Variants in IQGAP2 observed in about 807,000 individuals in gnomAD.
IQGAP2 encodes the protein IQ motif containing GTPase activating protein 2.
In IQGAP2, 173 loss-of-function variants were observed where a neutral mutation model predicts 201.3. That is an observed-to-expected ratio of 0.86 (90% confidence interval 0.76 to 0.98). IQGAP2 has a LOEUF of 0.98. IQGAP2 is among the 50% of genes least tolerant of loss of function. The pLI is 0.00. For missense variants in IQGAP2, 1,687 were observed against 1,864.8 expected (o/e 0.90, Z 1.76); for synonymous variants, 675 against 673.9 (o/e 1.00, Z -0.03).
intron 2 of IQGAP2, among the ~76,000 whole-genome samples, chr5:76,559,946 G>A (rs948702993): frequency 6.6e-6 from 1 of 151,970 alleles, no homozygotes; most frequent in Non-Finnish European, 1.5e-5. Context: ...GATAGGTTCC[G>A]GCCACCCAAG....
rs1030678633 is a variant in IQGAP2 at position 76,671,782 on chromosome 5, A to G, written c.2867A>G (p.Asp956Gly). 1.4e-5 allele frequency: 23 copies of G among 1,613,742 alleles called. No individual in the cohort carries two copies. Among genetic ancestry groups the G allele is most frequent in the Non-Finnish European group, 1.8e-5 (21 of 1,179,838 alleles). The change falls in exon 24 of 36, where the codon GAC (aspartate) becomes GGC (glycine). Residue 956 changes from aspartate (D) to glycine (G), a missense_variant. Coordinates refer to ENST00000274364, the MANE Select transcript of IQGAP2 (RefSeq NM_006633.5). The part of the protein sequence containing the change: ...EIKSKVDQVQ[D>G]IVTGNPTVIK... ...AGATCAAAAGTGGACCAGGTACAGG[A>G]CATAGTTACTGGTAACCCTACAGTC...
intron 2 of IQGAP2, among the ~76,000 whole-genome samples, chr5:76,517,929 G>A (rs2150190596): frequency 6.6e-6 from 1 of 152,192 alleles, no homozygotes; most frequent in East Asian, 1.9e-4. Context: ...CTGAGACTGG[G>A]CAATTTACGA....
chr5:76,634,528 G>C (rs1750969257), intron 15 of IQGAP2, among the ~76,000 whole-genome samples: 1 of 152,146 alleles, frequency 6.6e-6, no homozygotes, highest in Admixed American at 6.5e-5. Context: ...CCAAAGTGCT[G>C]AGATTACAGG....
intron 11 of IQGAP2, among the ~76,000 whole-genome samples, chr5:76,603,180 ATGCGTGGTCCTC>A (rs1473971844): frequency 6.6e-6 from 1 of 152,070 alleles, no homozygotes. Context: ...CTGTGTTCCT[ATGCGTGGTCCTC>A]TCACCATCAG....
chr5:76,688,871 A>G (rs1746010026), intron 30 of IQGAP2, among the ~76,000 whole-genome samples: 1 of 152,180 alleles, frequency 6.6e-6, no homozygotes, highest in Non-Finnish European at 1.5e-5. Flanking sequence ...GGCACAGAAC[A>G]GGTATAAACC....
chr5:76,617,550 G>A (rs775317252), intron 13 of IQGAP2: 3 of 1,534,098 alleles, frequency 2.0e-6, no homozygotes, highest in Non-Finnish European at 2.7e-6. Context: ...CGTTCTCTGT[G>A]ATGGCTGTCC....
chr5:76,542,413 C>T (rs1229919345), intron 2 of IQGAP2, among the ~76,000 whole-genome samples: 1 of 152,228 alleles, frequency 6.6e-6, no homozygotes, highest in Non-Finnish European at 1.5e-5. Flanking sequence ...CTTACAGCCC[C>T]CACCCAGCCA....
rs1440523804 is a variant in IQGAP2 at position 76,652,933 on chromosome 5, G to A, written c.2178+100G>A. ...AGCTATAGAAAGGGAGGGTACATGTGAGCCTTGAAGTCAGAAGGCAGTACT... is the reference window on the plus strand; with the variant it reads ...AGCTATAGAAAGGGAGGGTACATGTAAGCCTTGAAGTCAGAAGGCAGTACT... On this transcript the variant is annotated intron_variant, in intron 18 of 35. Transcript: ENST00000274364. 2.0e-5 allele frequency: 15 copies of A among 765,226 alleles called. No homozygotes were observed. In the East Asian group the frequency reaches 3.8e-4, roughly 19 times the overall value. 47.4% of individuals were successfully genotyped at this position (765,226 alleles called of 1,614,324 possible).
chr5:76,552,482 G>T (rs1382035385), intron 2 of IQGAP2, among the ~76,000 whole-genome samples: 1 of 152,156 alleles, frequency 6.6e-6, no homozygotes, highest in African/African-American at 2.4e-5. Flanking sequence ...TTTAATAGAA[G>T]CAGTAAGGAG....
At chr5:76,441,050 G>A (rs939142677) in intron 1 of IQGAP2, among the ~76,000 whole-genome samples, 6 of 151,330 alleles carry the variant, frequency 4.0e-5, no homozygotes, top group African/African-American at 1.2e-4. Context: ...AAAAAAAGGA[G>A]TAGGGCCCTG....
At chr5:76,498,796 A>C (rs1482599237) in intron 2 of IQGAP2, among the ~76,000 whole-genome samples, 1 of 152,218 alleles carries the variant, frequency 6.6e-6, no homozygotes, top group Non-Finnish European at 1.5e-5. Context: ...AGTATCTGGC[A>C]TTCTAGGCCC....
chr5:76,525,097 G>A (rs373753603), intron 2 of IQGAP2, among the ~76,000 whole-genome samples: 2 of 152,282 alleles, frequency 1.3e-5, no homozygotes, highest in South Asian at 2.1e-4. Flanking sequence ...TGGATTTGGG[G>A]GAGAGCTGTG....
intron 2 of IQGAP2, among the ~76,000 whole-genome samples, chr5:76,527,914 C>T (rs1173787058): frequency 2.0e-5 from 3 of 152,136 alleles, no homozygotes; most frequent in South Asian, 2.1e-4. Flanking sequence ...GGTTTTCTTT[C>T]TCTGATCTAA....
At chr5:76,559,062 G>A (rs62361996) in intron 2 of IQGAP2, among the ~76,000 whole-genome samples, 2,226 of 152,160 alleles carry the variant, frequency 0.015, 25 homozygotes, top group Non-Finnish European at 0.021. Flanking sequence ...CACCACGACC[G>A]GCTAATTTTT....
intron 18 of IQGAP2, 57 bp downstream of exon 18, chr5:76,652,890 A>T: frequency 8.9e-7 from 1 of 1,122,412 alleles, no homozygotes; most frequent in Admixed American, 1.7e-5. Flanking sequence ...CCCTCATTTC[A>T]TGTTTAATCT....
chr5:76,667,942 G>A (rs1180667874), intron 22 of IQGAP2, among the ~76,000 whole-genome samples: 2 of 140,138 alleles, frequency 1.4e-5, no homozygotes, highest in Non-Finnish European at 3.0e-5. Flanking sequence ...ACAGTGGTAT[G>A]ATCACAGCTC....
At position 76,597,452 on chromosome 5, in the gene IQGAP2, G is replaced by A. The variant is rs1306880894; in HGVS notation, c.921G>A (p.Val307=). The A allele has an allele frequency of 6.2e-7, 1 of 1,613,930 alleles. No individual in the cohort carries two copies. The highest frequency in any genetic ancestry group is 8.5e-7 in the Non-Finnish European group (1 of 1,179,934). The change falls in exon 10 of 36, where the codon GTG becomes GTA. Residue 307 remains valine (V), a synonymous_variant. Transcript: ENST00000274364. ...CCCCATCCTCAGGGCAGGCTGCAGT[G>A]GACCATATCAATGCTGTCATTCCGG... ...NINKVNRQAA[V]DHINAVIPEG... is the part of the protein sequence containing the mutation.
At chr5:76,455,876 C>T (rs1039632740) in intron 1 of IQGAP2, among the ~76,000 whole-genome samples, 1 of 152,144 alleles carries the variant, frequency 6.6e-6, no homozygotes, top group Non-Finnish European at 1.5e-5. Flanking sequence ...TGGCCATAGT[C>T]GCTTACAGCC....
chr5:76,411,229 G>C (rs956541831), intron 1 of IQGAP2, among the ~76,000 whole-genome samples: 25 of 152,188 alleles, frequency 1.6e-4, no homozygotes, highest in Non-Finnish European at 3.2e-4. Flanking sequence ...AGTGCTTGCA[G>C]GTTTTTGTCA....
Sources: allele counts gnomAD v4.1 joint callset (sites outside exome capture counted in the v4.1 genomes callset), GRCh38; gene constraint gnomAD v4.1.1; transcripts MANE v1.5; gene names NCBI Gene and HGNC (gene_info 2026-07-23, HGNC 2026-07-21).